FBXL4: variants seen among roughly 807,000 people sequenced by gnomAD.
FBXL4 encodes the protein F-box and leucine rich repeat protein 4.
Under a neutral mutation model 58.9 loss-of-function variants are expected in FBXL4, and 40 were observed. The observed-to-expected ratio is 0.68, with a 90% CI of 0.53 to 0.88. FBXL4 has a LOEUF of 0.88. FBXL4 is among the 40% of genes least tolerant of loss of function. FBXL4 has a pLI of 0.00. For synonymous variants in FBXL4, 263 were observed against 265.5 expected (o/e 0.99, Z 0.09); for missense variants, 676 against 734.4 (o/e 0.92, Z 0.92).
At chr6:98,894,196 T>TCA (rs1263296890) in intron 7 of FBXL4, among the ~76,000 whole-genome samples, 5 of 152,208 alleles carry the variant, frequency 3.3e-5, no homozygotes, top group Admixed American at 6.5e-5. Flanking sequence ...AGCTCTACTT[T>TCA]CACGAAAATA....
intron 1 of FBXL4, among the ~76,000 whole-genome samples, chr6:98,937,191 T>A (rs1315432799): frequency 2.6e-5 from 4 of 151,516 alleles, no homozygotes; most frequent in African/African-American, 9.7e-5. Flanking sequence ...ACACCTATAA[T>A]CCCAACTACT....
intron 7 of FBXL4, among the ~76,000 whole-genome samples, chr6:98,888,180 C>T (rs1391576882): frequency 6.6e-6 from 1 of 152,208 alleles, no homozygotes; most frequent in Non-Finnish European, 1.5e-5. Flanking sequence ...TGGCAAACTA[C>T]TGTCCACAGG....
At chr6:98,904,900 G>A (rs961697613) in intron 6 of FBXL4, among the ~76,000 whole-genome samples, 11 of 152,114 alleles carry the variant, frequency 7.2e-5, no homozygotes, top group African/African-American at 1.2e-4. Flanking sequence ...AGAAAGGAGC[G>A]GAAACACCTG....
At chr6:98,876,328 ACT>A (rs1770661126) in intron 8 of FBXL4, among the ~76,000 whole-genome samples, 1 of 152,126 alleles carries the variant, frequency 6.6e-6, no homozygotes, top group Non-Finnish European at 1.5e-5. Context: ...ACAGGACAAG[ACT>A]CTACTAATCA....
rs1478452386 is a variant in FBXL4, at chr6:98,926,561, A to C, written c.428T>G (p.Leu143Arg). 1.2e-6 allele frequency: 2 copies of C among 1,614,070 alleles called. No homozygotes were observed. The highest frequency in any genetic ancestry group is 3.3e-5 in the Admixed American group (2 of 60,000). Reference protein sequence around the residue: ...QQVYPTAVHVLETYHPGAVIR... With the variant: ...QQVYPTAVHVRETYHPGAVIR... ...GACTGCTCCGGGATGATAGGTTTCT[A>C]GAACATGTACAGCTGTAGGATACAC... Residue 143 changes from leucine to arginine, a missense_variant, in exon 4 of 10, where the codon CTA becomes CGA. By Grantham distance (102) the Leu-to-Arg change is moderately radical. Transcript: ENST00000369244.
Position 98,874,111 on chromosome 6 carries a change from A to C in FBXL4, c.*167T>G. 2.0e-6 allele frequency: 1 copy of C among 500,290 alleles called. No individual in the cohort carries two copies. The highest frequency in any genetic ancestry group is 3.4e-6 in the Non-Finnish European group (1 of 292,958). 31.0% of individuals were successfully genotyped at this position (500,290 alleles called of 1,614,324 possible). ...AGTGCTTGCAGTATTTTATGAAAAC[A>C]TTTGTGCACATTTTTACTTGATTTA... On this transcript the variant is annotated 3_prime_UTR_variant, in exon 10 of 10. Transcript: ENST00000369244.
At chr6:98,887,990 G>A (rs906382069) in intron 7 of FBXL4, among the ~76,000 whole-genome samples, 6 of 152,298 alleles carry the variant, frequency 3.9e-5, no homozygotes, top group East Asian at 1.9e-4. Flanking sequence ...CAGTTAACCC[G>A]TTTCCTCCTA....
intron 1 of FBXL4, among the ~76,000 whole-genome samples, chr6:98,938,268 G>T (rs1773298060): frequency 6.6e-6 from 1 of 152,138 alleles, no homozygotes; most frequent in Non-Finnish European, 1.5e-5. Context: ...CATCCATAGA[G>T]TTCACAGTTC....
At position 98,905,568 on chromosome 6, in the gene FBXL4, T is replaced by G. The variant is rs765148228; in HGVS notation, c.961A>C (p.Ile321Leu). 1.2e-6 allele frequency: 2 copies of G among 1,614,016 alleles called. No homozygotes were observed. The highest frequency in any genetic ancestry group is 2.2e-5 in the South Asian group (2 of 91,084). The change falls in exon 6 of 10, where the codon ATC (isoleucine) becomes CTC (leucine). Residue 321 changes from isoleucine to leucine, a missense_variant. Physicochemically the swap from Ile to Leu is conservative, Grantham distance 5 (BLOSUM62 2). Transcript: ENST00000369244. ...SQHCCDPLQY[I>L]HLNLQPYWAK... ...CAGTATGGTTGCAGATTGAGGTGGA[T>G]GTATTGCAGAGGATCACAGCAATGC...
At chr6:98,891,856 C>T (rs1771241233) in intron 7 of FBXL4, among the ~76,000 whole-genome samples, 1 of 152,110 alleles carries the variant, frequency 6.6e-6, no homozygotes, top group South Asian at 2.1e-4. Context: ...TGAATGGTGT[C>T]CTTTCCAGGT....
At chr6:98,887,984 T>C (rs13208107) in intron 7 of FBXL4, among the ~76,000 whole-genome samples, 7,521 of 152,344 alleles carry the variant, frequency 0.049, 257 homozygotes, top group Middle Eastern at 0.12. Context: ...TAAATCCAGT[T>C]AACCCGTTTC....
At chr6:98,923,125 T>C (rs1772646632) in intron 4 of FBXL4, among the ~76,000 whole-genome samples, 1 of 152,112 alleles carries the variant, frequency 6.6e-6, no homozygotes, top group African/African-American at 2.4e-5. Context: ...TTCCAGCCCA[T>C]GGTAAAAGTC....
At chr6:98,874,859 C>A (rs747056289) in intron 9 of FBXL4, among the ~76,000 whole-genome samples, 5 of 152,168 alleles carry the variant, frequency 3.3e-5, no homozygotes, top group Non-Finnish European at 7.3e-5. Flanking sequence ...ACTGCTAGCA[C>A]CCCTGGCTAA....
At chr6:98,894,219 T>C (rs1262891679) in intron 7 of FBXL4, among the ~76,000 whole-genome samples, 1 of 152,194 alleles carries the variant, frequency 6.6e-6, no homozygotes, top group Non-Finnish European at 1.5e-5. Context: ...TCATCATGTA[T>C]GGTTAAAGAA....
Position 98,872,610 on chromosome 6 carries a change from T to C in FBXL4, c.*1668A>G, listed in dbSNP as rs1447895945. 1 of 152,204 alleles carries C rather than the reference T, an allele frequency of 6.6e-6. No homozygotes were observed. The highest frequency in any genetic ancestry group is 2.1e-4 in the South Asian group (1 of 4,826). 9.4% of individuals were successfully genotyped at this position (152,204 alleles called of 1,614,324 possible). On this transcript the variant is annotated 3_prime_UTR_variant, in exon 10 of 10. Coordinates refer to ENST00000369244, the MANE Select transcript of FBXL4 (RefSeq NM_001278716.2). ...TTTTCGTGCAAATTTTATTTCTCTC[T>C]AGTTATTTAAGTATCTACATAACAA... is the stretch of plus-strand genomic sequence containing the variant.
At chr6:98,909,227 A>C (rs959753401) in intron 5 of FBXL4, among the ~76,000 whole-genome samples, 1 of 152,172 alleles carries the variant, frequency 6.6e-6, no homozygotes, top group African/African-American at 2.4e-5. Flanking sequence ...GGCTGAAGGG[A>C]TAAAATGCAA....
chr6:98,905,204 A>C (rs1562230357), intron 6 of FBXL4, among the ~76,000 whole-genome samples: 1 of 152,224 alleles, frequency 6.6e-6, no homozygotes, highest in African/African-American at 2.4e-5. Flanking sequence ...TAAAGGGTAT[A>C]GTTTCCCTTC....
At position 98,905,545 on chromosome 6, in the gene FBXL4, G is replaced by A. The variant is rs1257139540; in HGVS notation, c.984C>T (p.Tyr328=). The change falls in exon 6 of 10, where the codon TAC becomes TAT. Residue 328 remains tyrosine, a synonymous_variant. Transcript: ENST00000369244. ...GAGAAGTGTCATCTAGTTTTGCCCA[G>A]TATGGTTGCAGATTGAGGTGGATGT... ...LQYIHLNLQP[Y]WAKLDDTSLE... is the part of the protein sequence containing the mutation. 6.2e-7 allele frequency: 1 copy of A among 1,614,026 alleles called. No homozygotes were observed.
chr6:98,913,701 C>T (rs1230567712), intron 5 of FBXL4, among the ~76,000 whole-genome samples: 1 of 152,100 alleles, frequency 6.6e-6, no homozygotes, highest in African/African-American at 2.4e-5. Flanking sequence ...TACATGCCCA[C>T]AAGAGAAAGC....
Sources: gnomAD v4.1 joint callset for allele counts (sites outside exome capture counted in the v4.1 genomes callset) on GRCh38, gnomAD v4.1.1 for gene constraint, MANE v1.5 for transcripts, NCBI Gene and HGNC (gene_info 2026-07-23, HGNC 2026-07-21) for gene names.